HNRNPUL2: variants seen among roughly 807,000 people sequenced by gnomAD.
HNRNPUL2 encodes the protein heterogeneous nuclear ribonucleoprotein U like 2, also known as heterogeneous nuclear ribonucleoprotein U-like protein 2.
A neutral mutation model predicts 102.2 loss-of-function variants in HNRNPUL2; 27 were observed. The ratio of observed to expected loss-of-function variants is 0.26; its 90% CI spans 0.19 to 0.36. The LOEUF is 0.36. Among genes scored for constraint, HNRNPUL2 ranks in the 10% least tolerant of loss-of-function variants. The pLI is 1.00. For missense variants in HNRNPUL2, 936 were observed against 981.1 expected, an observed-to-expected ratio of 0.95 and a Z score of 0.61; for synonymous variants, 458 against 387.2, an observed-to-expected ratio of 1.18 and a Z score of -2.15.
intron 12 of HNRNPUL2, 66 bp downstream of exon 12, chr11:62,715,798 C>G: frequency 6.8e-7 from 1 of 1,462,146 alleles, no homozygotes; most frequent in South Asian, 1.1e-5. Context: ...AACCACTCTG[C>G]TCCCCCAAGC....
At position 62,726,999 on chromosome 11, in the gene HNRNPUL2, G is replaced by A. The variant is rs1221995348; in HGVS notation, c.158C>T (p.Pro53Leu). Residue 53 changes from proline to leucine, a missense_variant, in exon 1 of 14, where the codon CCC becomes CTC. Pro to Leu is a moderately conservative substitution (Grantham distance 98). This residue lies in a region of HNRNPUL2 where 327 missense variants were observed against 268.1 expected (regional missense o/e 1.22). Coordinates refer to ENST00000301785, the MANE Select transcript of HNRNPUL2 (RefSeq NM_001079559.3). ...AGGCTCCGCCTTGCAGGCCCCGCCGGGCCCGGCCCCGCCGCCGCCGGCCTC... is the reference window on the plus strand; with the variant it reads ...AGGCTCCGCCTTGCAGGCCCCGCCGAGCCCGGCCCCGCCGCCGCCGGCCTC... ...EDEAGGGGAG[P>L]GGACKAEPRP... 1.3e-5 allele frequency: 18 copies of A among 1,358,870 alleles called. No individual in the cohort carries two copies. Among genetic ancestry groups the A allele is most frequent in the Non-Finnish European group, 1.7e-5 (18 of 1,058,774 alleles). The allele number at this position is 1,358,870 out of a possible 1,614,324, so 84.2% of individuals were successfully genotyped here.
chr11:62,723,501 G>T, intron 4 of HNRNPUL2, 86 bp downstream of exon 4: 3 of 1,366,148 alleles, frequency 2.2e-6, no homozygotes, highest in Non-Finnish European at 3.0e-6. Flanking sequence ...CAAAAAAAAA[G>T]AGATAATAAT....
At position 62,722,837 on chromosome 11, in the gene HNRNPUL2, C is replaced by G. The variant is rs1177842898; in HGVS notation, c.958G>C (p.Val320Leu). Reference protein sequence around the residue: ...EVSLLRVGWSVDFSRPQLGED... With the variant: ...EVSLLRVGWSLDFSRPQLGED... Reference sequence around the variant, plus strand: ...CCAAGCTGTGGACGGGAAAAATCAACAGACCACCCAACTCGAAGGAGAGAG... The same window carrying G: ...CCAAGCTGTGGACGGGAAAAATCAAGAGACCACCCAACTCGAAGGAGAGAG... The change falls in exon 5 of 14, where the codon GTT (valine) becomes CTT (leucine). Residue 320 changes from valine (V) to leucine (L), a missense_variant. Coordinates refer to ENST00000301785, the MANE Select transcript of HNRNPUL2 (RefSeq NM_001079559.3). 6.2e-7 allele frequency: 1 copy of G among 1,614,014 alleles called. No individual in the cohort carries two copies. The highest frequency in any genetic ancestry group is 1.3e-5 in the African/African-American group (1 of 74,904).
chr11:62,726,716 C>G lies in HNRNPUL2; in HGVS notation c.441G>C (p.Gln147His). 1.2e-6 allele frequency: 2 copies of G among 1,600,912 alleles called. No individual in the cohort carries two copies. The highest frequency in any genetic ancestry group is 1.7e-6 in the Non-Finnish European group (2 of 1,179,650). ...GSGGVNGGEE[Q>H]GLGKREEDEP... is the part of the protein sequence containing the mutation. ...CGTCTTCCTCCCTCTTGCCGAGGCC[C>G]TGCTCTTCGCCACCATTTACCCCGC... is the stretch of plus-strand genomic sequence containing the variant. The change falls in exon 1 of 14, where the codon CAG becomes CAC. Residue 147 changes from glutamine to histidine, a missense_variant. By Grantham distance (24) the Gln-to-His change is conservative. Coordinates refer to ENST00000301785, the MANE Select transcript of HNRNPUL2 (RefSeq NM_001079559.3).
chr11:62,727,133 C>T lies in HNRNPUL2; in HGVS notation c.24G>A (p.Val8=). MEVKRLK[V]TELRSELQRR... ...GCTGCAGCTCCGACCGCAGCTCGGTCACTTTCAGCCGCTTCACCTCCATCG... is the reference window on the plus strand; with the variant it reads ...GCTGCAGCTCCGACCGCAGCTCGGTTACTTTCAGCCGCTTCACCTCCATCG... Residue 8 remains valine, a synonymous_variant, in exon 1 of 14, where the codon GTG becomes GTA. Coordinates refer to ENST00000301785, the MANE Select transcript of HNRNPUL2 (RefSeq NM_001079559.3). 1 of 1,448,024 alleles carries T rather than the reference C, an allele frequency of 6.9e-7. No homozygotes were observed. The highest frequency in any genetic ancestry group is 9.1e-7 in the Non-Finnish European group (1 of 1,103,108). 89.7% of individuals were successfully genotyped at this position (1,448,024 alleles called of 1,614,324 possible).
intron 7 of HNRNPUL2, 51 bp downstream of exon 7, chr11:62,722,066 C>T (rs1422725178): frequency 6.2e-7 from 1 of 1,603,190 alleles, no homozygotes; most frequent in Admixed American, 1.7e-5. Context: ...AGCATACGCA[C>T]CCACCTCTGC....
chr11:62,715,802 C>T, intron 12 of HNRNPUL2, 62 bp downstream of exon 12: 1 of 1,498,792 alleles, frequency 6.7e-7, no homozygotes, highest in Non-Finnish European at 9.3e-7. Flanking sequence ...ACTCTGCTCC[C>T]CCAAGCCAAC....
At chr11:62,716,313 GC>G (rs1171619151) in intron 11 of HNRNPUL2, among the ~76,000 whole-genome samples, 1 of 152,154 alleles carries the variant, frequency 6.6e-6, no homozygotes, top group Non-Finnish European at 1.5e-5. Flanking sequence ...ATCATTTTAT[GC>G]AAAAGAAACA....
chr11:62,720,207 A>G lies in HNRNPUL2; in HGVS notation c.1612-16T>C, dbSNP rs1815329705. ...ACACATTACACTAAGAACAGGAGGA[A>G]TAACTGATGTTTAGGAAGAAAATTA... On this transcript the variant is annotated splice_polypyrimidine_tract_variant and intron_variant, in intron 9 of 13. Transcript: ENST00000301785. 6.2e-7 allele frequency: 1 copy of G among 1,610,358 alleles called. No homozygotes were observed. Among genetic ancestry groups the G allele is most frequent in the Non-Finnish European group, 8.5e-7 (1 of 1,176,806 alleles).
chr11:62,713,632 T>C lies in HNRNPUL2; in HGVS notation c.*1667A>G, dbSNP rs1185760825. On this transcript the variant is annotated 3_prime_UTR_variant, in exon 14 of 14. Coordinates refer to ENST00000301785, the MANE Select transcript of HNRNPUL2 (RefSeq NM_001079559.3). ...AGGACACTAGAGGCCAGAATAAGGGTCTGTACACCTGAACAAGGGCTGCAG... is the reference window on the plus strand; with the variant it reads ...AGGACACTAGAGGCCAGAATAAGGGCCTGTACACCTGAACAAGGGCTGCAG... The C allele has an allele frequency of 6.6e-6, 1 of 151,946 alleles. No homozygotes were observed. Among genetic ancestry groups the C allele is most frequent in the African/African-American group, 2.4e-5 (1 of 41,308 alleles). The allele number at this position is 151,946 out of a possible 1,614,324, so 9.4% of individuals were successfully genotyped here.
intron 1 of HNRNPUL2, among the ~76,000 whole-genome samples, chr11:62,725,176 T>C (rs536738339): frequency 1.3e-5 from 2 of 152,308 alleles, no homozygotes; most frequent in South Asian, 4.1e-4. Context: ...AATAATAATT[T>C]CTTTAAAGCA....
At chr11:62,724,747 C>A (rs1357095681) in intron 1 of HNRNPUL2, among the ~76,000 whole-genome samples, 1 of 152,170 alleles carries the variant, frequency 6.6e-6, no homozygotes, top group Non-Finnish European at 1.5e-5. Context: ...TAAAAAATAT[C>A]CTCTAGGTCT....
At position 62,727,130 on chromosome 11, in the gene HNRNPUL2, G is replaced by T. The variant is rs763467131; in HGVS notation, c.27C>A (p.Thr9=). Residue 9 remains threonine, a synonymous_variant, in exon 1 of 14, where the codon ACC becomes ACA. Coordinates refer to ENST00000301785, the MANE Select transcript of HNRNPUL2 (RefSeq NM_001079559.3). ...GCCGCTGCAGCTCCGACCGCAGCTC[G>T]GTCACTTTCAGCCGCTTCACCTCCA... The part of the protein sequence containing the change: MEVKRLKV[T]ELRSELQRRG... 8 of 1,449,414 alleles carry T rather than the reference G, an allele frequency of 5.5e-6. No homozygotes were observed. Among genetic ancestry groups the T allele is most frequent in the South Asian group, 1.3e-5 (1 of 76,186 alleles). The allele number at this position is 1,449,414 out of a possible 1,614,324, so 89.8% of individuals were successfully genotyped here.
chr11:62,720,093 C>A lies in HNRNPUL2; in HGVS notation c.1710G>T (p.Lys570Asn). The A allele has an allele frequency of 1.2e-6, 2 of 1,614,206 alleles. No individual in the cohort carries two copies. Among genetic ancestry groups the A allele is most frequent in the East Asian group, 2.2e-5 (1 of 44,882 alleles). ...VVVVPNEEDW[K>N]KRLELRKEVE... ...CTTCCTTCCTCAACTCCAGCCTCTT[C>A]TTCCAATCTTCCTCATTAGGGACAA... is the stretch of plus-strand genomic sequence containing the variant. Residue 570 changes from lysine to asparagine, a missense_variant, in exon 10 of 14, where the codon AAG becomes AAT. Coordinates refer to ENST00000301785, the MANE Select transcript of HNRNPUL2 (RefSeq NM_001079559.3).
At chr11:62,726,539 G>C in intron 1 of HNRNPUL2, 80 bp downstream of exon 1, 9 of 1,346,640 alleles carry the variant, frequency 6.7e-6, no homozygotes, top group Non-Finnish European at 8.8e-6. Context: ...CAAGGACTCG[G>C]ACCCTGCGGT....
rs185445122 is a variant in HNRNPUL2 at position 62,716,352 on chromosome 11, C to T, written c.1982-415G>A. Reference sequence around the variant, plus strand: ...GTCTCTGTAATCAGCTCCTCAAGGGCGGGAACTGTCAGCATTTACAGTACC... The same window carrying T: ...GTCTCTGTAATCAGCTCCTCAAGGGTGGGAACTGTCAGCATTTACAGTACC... On this transcript the variant is annotated intron_variant, in intron 11 of 13. Transcript: ENST00000301785. Among the ~76,000 whole-genome samples the T allele has an allele frequency of 9.4e-4, 143 of 152,236 alleles. 2 individuals carry two copies. The highest frequency in any genetic ancestry group is 6.8e-3 in the Middle Eastern group (2 of 294).
At chr11:62,722,434 T>G (rs2083710638) in intron 6 of HNRNPUL2, 54 bp from the exon 7 acceptor site, 2 of 1,577,718 alleles carry the variant, frequency 1.3e-6, no homozygotes, top group Admixed American at 1.8e-5. Context: ...TTGGGTTGAT[T>G]AAACTTTACA....
chr11:62,722,193 A>C lies in HNRNPUL2; in HGVS notation c.1283T>G (p.Phe428Cys), dbSNP rs766999828. 10 of 1,614,026 alleles carry C rather than the reference A, an allele frequency of 6.2e-6. No individual in the cohort carries two copies. The highest frequency in any genetic ancestry group is 5.0e-5 in the Admixed American group (3 of 59,998). Residue 428 changes from phenylalanine (F) to cysteine (C), a missense_variant, in exon 7 of 14, where the codon TTT becomes TGT. Coordinates refer to ENST00000301785, the MANE Select transcript of HNRNPUL2 (RefSeq NM_001079559.3). ...EEPFFPPPEE[F>C]VFIHAVPVEE... ...AACAGGCACAGCATGAATGAACACA[A>C]ACTCTTCTGGTGGTGGGAAGAAGGG...
At chr11:62,724,599 C>T (rs1168440482) in intron 1 of HNRNPUL2, among the ~76,000 whole-genome samples, 173 bp from the exon 2 acceptor site, 2 of 152,084 alleles carry the variant, frequency 1.3e-5, no homozygotes, top group Non-Finnish European at 2.9e-5. Flanking sequence ...CTGTCATTGG[C>T]TGTGATTTAA....
Sources: allele counts gnomAD v4.1 joint callset (sites outside exome capture counted in the v4.1 genomes callset), GRCh38; gene constraint gnomAD v4.1.1; regional missense constraint gnomAD v4.1.1; transcripts MANE v1.5; gene names NCBI Gene and HGNC (gene_info 2026-07-23, HGNC 2026-07-21).